The following SCLT1 variants were observed in gnomAD, a reference collection of about 807,000 sequenced individuals.
SCLT1 encodes sodium channel-associated protein 1.
SCLT1 carries 78 observed loss-of-function variants against 112.8 expected under a neutral mutation model. The observed-to-expected ratio is 0.69, with a 90% CI of 0.58 to 0.83. The LOEUF (loss-of-function observed/expected upper bound fraction) is 0.83. SCLT1 is among the 40% of genes least tolerant of loss of function. SCLT1 has a pLI of 0.00. For missense variants in SCLT1, 747 were observed against 770.4 expected (o/e 0.97, Z 0.36); for synonymous variants, 257 against 254.7 (o/e 1.01, Z -0.09).
intron 10 of SCLT1, 60 bp downstream of exon 10, chr4:128,970,318 C>A (rs1740580460): frequency 6.4e-6 from 6 of 939,408 alleles, no homozygotes; most frequent in South Asian, 1.4e-5. Context: ...CAAAATAAAT[C>A]AACAAAATAG....
At chr4:129,047,097 C>A (rs1748254497) in intron 2 of SCLT1, among the ~76,000 whole-genome samples, 1 of 151,988 alleles carries the variant, frequency 6.6e-6, no homozygotes, top group Non-Finnish European at 1.5e-5. Flanking sequence ...TTAATGATGT[C>A]TTAAAAACAT....
chr4:128,966,132 AT>A (rs756291868), intron 10 of SCLT1, among the ~76,000 whole-genome samples: 33,878 of 130,662 alleles, frequency 0.26, 4,228 homozygotes, highest in South Asian at 0.31. Flanking sequence ...GCTTGGCCAA[AT>A]TTTTTTTTTT....
At chr4:128,977,665 ATAAT>A (rs1291969880) in intron 9 of SCLT1, among the ~76,000 whole-genome samples, 1 of 152,200 alleles carries the variant, frequency 6.6e-6, no homozygotes, top group Admixed American at 6.5e-5. Context: ...ACAGGTGAAG[ATAAT>A]TAAGAATAAA....
In SCLT1 at chr4:128,952,851, A is replaced by G. The variant is rs367709668; in HGVS notation, c.1147-11T>C. On this transcript the variant is annotated splice_polypyrimidine_tract_variant and intron_variant, in intron 13 of 20. Coordinates refer to ENST00000281142, the MANE Select transcript of SCLT1 (RefSeq NM_144643.4). ...TTTGGTGTTTGCAACCTGTAAATTAAGACATTTACTCATTATTTGGTTCTA... is the reference window on the plus strand; with the variant it reads ...TTTGGTGTTTGCAACCTGTAAATTAGGACATTTACTCATTATTTGGTTCTA... The G allele has an allele frequency of 4.7e-6, 6 of 1,289,288 alleles. No homozygotes were observed. The highest frequency in any genetic ancestry group is 1.5e-5 in the African/African-American group (1 of 68,462). The allele number at this position is 1,289,288 out of a possible 1,614,324, so 79.9% of individuals were successfully genotyped here.
intron 18 of SCLT1, among the ~76,000 whole-genome samples, chr4:128,891,756 T>A (rs1221096938): frequency 6.6e-6 from 1 of 151,338 alleles, no homozygotes; most frequent in African/African-American, 2.4e-5. Context: ...GTGATTCTCA[T>A]GCCTCAACCT....
intron 5 of SCLT1, among the ~76,000 whole-genome samples, chr4:129,007,671 T>C (rs1479662516): frequency 1.3e-5 from 2 of 152,142 alleles, no homozygotes; most frequent in African/African-American, 2.4e-5. Flanking sequence ...GTTCATTTAG[T>C]TAATCTCTGG....
At chr4:128,922,302 T>C (rs1339639869) in intron 18 of SCLT1, among the ~76,000 whole-genome samples, 3 of 152,210 alleles carry the variant, frequency 2.0e-5, no homozygotes, top group East Asian at 3.8e-4. Context: ...TTATTAGGTA[T>C]ATGCCCCAAG....
chr4:129,023,684 G>A (rs894035507), intron 5 of SCLT1, among the ~76,000 whole-genome samples: 8 of 152,158 alleles, frequency 5.3e-5, no homozygotes, highest in African/African-American at 1.2e-4. Context: ...CAGACAGTGG[G>A]TGCAGGACAG....
intron 2 of SCLT1, among the ~76,000 whole-genome samples, chr4:129,062,654 T>C (rs1192745213): frequency 1.3e-5 from 2 of 152,156 alleles, no homozygotes; most frequent in Non-Finnish European, 2.9e-5. Context: ...AGGGTAGTCT[T>C]GTTGGGTAAA....
At chr4:128,879,566 T>C (rs116392769), downstream of SCLT1, among the ~76,000 whole-genome samples, 857 of 152,292 alleles carry the variant, frequency 5.6e-3, 12 homozygotes, top group African/African-American at 0.02. Flanking sequence ...GATTTAACTT[T>C]TACTATACCT....
chr4:128,902,289 T>C (rs945253350), intron 18 of SCLT1, among the ~76,000 whole-genome samples: 9 of 152,178 alleles, frequency 5.9e-5, no homozygotes, highest in African/African-American at 2.2e-4. Context: ...ATGCATCAGT[T>C]AATAATAGGA....
chr4:128,873,256 G>GAAAAAAAAAAAAAAAAGAAAAAAAGA (rs1732328176), intron 5 of SCLT1: 1 of 28,646 alleles, frequency 3.5e-5, no homozygotes, highest in Non-Finnish European at 7.4e-5. Context: ...TAAGAAAAAG[G>GAAAAAAAAAAAAAAAAGAAAAAAAGA]AAAAAAAAAA....
At chr4:128,964,514 G>A (rs567890047) in intron 11 of SCLT1, among the ~76,000 whole-genome samples, 3 of 152,140 alleles carry the variant, frequency 2.0e-5, no homozygotes, top group Non-Finnish European at 4.4e-5. Context: ...GCTTCAGCTT[G>A]CAAGATTTTT....
intron 2 of SCLT1, among the ~76,000 whole-genome samples, chr4:129,082,088 C>T (rs1274647029): frequency 6.6e-6 from 1 of 152,056 alleles, no homozygotes; most frequent in African/African-American, 2.4e-5. Flanking sequence ...CGAATGAATT[C>T]CCATTTTAGA....
chr4:129,002,395 T>C (rs1338171686), intron 6 of SCLT1, among the ~76,000 whole-genome samples: 1 of 151,914 alleles, frequency 6.6e-6, no homozygotes, highest in African/African-American at 2.4e-5. Flanking sequence ...CTAATTACTA[T>C]GAGAGAAAAA....
chr4:129,040,654 A>T (rs1747616754), intron 4 of SCLT1, among the ~76,000 whole-genome samples: 1 of 152,262 alleles, frequency 6.6e-6, no homozygotes, highest in Admixed American at 6.5e-5. Context: ...AAATCCATAC[A>T]GTATTTCTCA....
At chr4:128,892,839 T>G (rs1235168268) in intron 18 of SCLT1, among the ~76,000 whole-genome samples, 2 of 152,202 alleles carry the variant, frequency 1.3e-5, no homozygotes, top group South Asian at 2.1e-4. Flanking sequence ...ATTAATTCCA[T>G]GACAGACAAA....
intron 2 of SCLT1, among the ~76,000 whole-genome samples, chr4:129,078,782 G>T (rs1225083074): frequency 6.6e-6 from 1 of 152,092 alleles, no homozygotes; most frequent in South Asian, 2.1e-4. Context: ...TTTTAGTTCT[G>T]CATTAGTCCA....
At chr4:128,962,607 A>G (rs1337552123) in intron 11 of SCLT1, among the ~76,000 whole-genome samples, 1 of 152,172 alleles carries the variant, frequency 6.6e-6, no homozygotes, top group South Asian at 2.1e-4. Flanking sequence ...AGCTAACAGC[A>G]TAAAACAACC....
Sources: allele counts gnomAD v4.1 joint callset (sites outside exome capture counted in the v4.1 genomes callset), GRCh38; gene constraint gnomAD v4.1.1; transcripts MANE v1.5; gene names NCBI Gene and HGNC (gene_info 2026-07-23, HGNC 2026-07-21).